VWF: variants seen among roughly 807,000 people sequenced by gnomAD.
The protein encoded by VWF is von Willebrand factor, also known as Factor VIII related antigen.
VWF carries 176 observed loss-of-function variants against 308.6 expected under a neutral mutation model. The ratio of observed to expected loss-of-function variants is 0.57; its 90% CI spans 0.50 to 0.65. The LOEUF (loss-of-function observed/expected upper bound fraction) is 0.65, where lower values mean the gene tolerates loss of function less well. Among genes scored for constraint, VWF ranks in the 30% least tolerant of loss-of-function variants. The probability of loss-of-function intolerance (pLI) is 0.00; values close to 1 mark genes in which losing one functional copy is unlikely to be tolerated. For synonymous variants in VWF, 1,385 were observed against 1,443.4 expected, an observed-to-expected ratio of 0.96 and a Z score of 0.92; for missense variants, 3,146 against 3,648.2, an observed-to-expected ratio of 0.86 and a Z score of 3.55.
chr12:6,007,289 A>T (rs2136399246), intron 34 of VWF, among the ~76,000 whole-genome samples: 1 of 152,316 alleles, frequency 6.6e-6, no homozygotes, highest in South Asian at 2.1e-4. Context: ...CTTCTCAAAC[A>T]CACATAGAAC....
At chr12:6,077,099 C>A in intron 6 of VWF, among the ~76,000 whole-genome samples, 1 of 152,204 alleles carries the variant, frequency 6.6e-6, no homozygotes, top group East Asian at 1.9e-4. Context: ...CACTTGAGAT[C>A]AGGAATTTGA....
At chr12:5,983,292 GA>G (rs1164134176) in intron 40 of VWF, 38 bp from the exon 41 acceptor site, 1 of 1,598,262 alleles carries the variant, frequency 6.3e-7, no homozygotes, top group Non-Finnish European at 8.5e-7. Flanking sequence ...GCAGAGTTCA[GA>G]AAGGTTACTC....
chr12:6,027,526 C>G (rs916899078), intron 22 of VWF, among the ~76,000 whole-genome samples: 5 of 152,098 alleles, frequency 3.3e-5, no homozygotes, highest in African/African-American at 4.8e-5. Flanking sequence ...AGGGTCTGAT[C>G]AGAGGGAGGC....
At position 6,046,142 on chromosome 12, in the gene VWF, T is replaced by C. The variant is rs1051198201; in HGVS notation, c.2281+581A>G. 2.0e-5 allele frequency among the ~76,000 whole-genome samples: 3 copies of C among 152,150 alleles called. No homozygotes were observed. Among genetic ancestry groups the C allele is most frequent in the Non-Finnish European group, 4.4e-5 (3 of 68,038 alleles). ...GGGAGGCTGAGGCACGAGAATTGCT[T>C]GAACCCAGGAGGCAGAGGTTGCAGT... is the stretch of plus-strand genomic sequence containing the variant. On this transcript the variant is annotated intron_variant, in intron 17 of 51. Transcript: ENST00000261405. This position sits in a 1 kb window ranked among gnomAD's most constrained non-coding sequence, Gnocchi z 5.0.
intron 3 of VWF, among the ~76,000 whole-genome samples, chr12:6,111,847 C>T (rs1461004410): frequency 6.6e-6 from 1 of 151,990 alleles, no homozygotes; most frequent in Non-Finnish European, 1.5e-5. Flanking sequence ...GGTCCCAGTT[C>T]TTTGGGAGGC....
At chr12:6,036,063 C>T (rs374583830) in intron 19 of VWF, among the ~76,000 whole-genome samples, 73 of 152,314 alleles carry the variant, frequency 4.8e-4, no homozygotes, top group African/African-American at 1.8e-3. Context: ...AGATTTAGGT[C>T]CCATCCCTAA....
intron 16 of VWF, among the ~76,000 whole-genome samples, chr12:6,050,899 G>A (rs1944501570): frequency 6.6e-6 from 1 of 151,120 alleles, no homozygotes; most frequent in Non-Finnish European, 1.5e-5. Context: ...AGGTTGCAGC[G>A]AGCCGAGATT....
Position 5,983,183 on chromosome 12 carries a change from T to C in VWF, c.7048A>G (p.Asn2350Asp). 6.2e-7 allele frequency: 1 copy of C among 1,614,082 alleles called. No homozygotes were observed. The highest frequency in any genetic ancestry group is 1.1e-5 in the South Asian group (1 of 91,052). ...CERGLQPTLT[N>D]PGECRPNFTC... ...AAGTTGGGTCTGCACTCGCCAGGGT[T>C]GGTCAGTGTGGGCTGGAGGCCACGT... is the stretch of plus-strand genomic sequence containing the variant. Residue 2350 changes from asparagine (N) to aspartate (D), a missense_variant, in exon 41 of 52, where the codon AAC (asparagine) becomes GAC (aspartate). Transcript: ENST00000261405.
In VWF at chr12:5,951,834, A is replaced by G; in HGVS notation, c.8155+10T>C. On this transcript the variant is annotated intron_variant, in intron 50 of 51. Transcript: ENST00000261405. Reference sequence around the variant, plus strand: ...GGTTTCAAGGGACAAGATATTAGTAACGCACTCACATGTGTCACAGCAGGT... The same window carrying G: ...GGTTTCAAGGGACAAGATATTAGTAGCGCACTCACATGTGTCACAGCAGGT... 6.2e-7 allele frequency: 1 copy of G among 1,614,212 alleles called. No homozygotes were observed. Among genetic ancestry groups the G allele is most frequent in the Non-Finnish European group, 8.5e-7 (1 of 1,180,004 alleles).
chr12:6,111,233 C>A (rs1049618920), intron 3 of VWF, among the ~76,000 whole-genome samples: 32 of 152,190 alleles, frequency 2.1e-4, no homozygotes, highest in Admixed American at 2.0e-3. Context: ...AAAGCATGAT[C>A]TTTTGCTTCT....
intron 5 of VWF, among the ~76,000 whole-genome samples, chr12:6,101,600 C>A (rs1184511627): frequency 6.6e-6 from 1 of 151,598 alleles, no homozygotes; most frequent in African/African-American, 2.4e-5. Flanking sequence ...TATGGTGAAA[C>A]CCCGTCTCTA....
chr12:6,121,954 G>GA (rs1945437368), intron 2 of VWF, among the ~76,000 whole-genome samples: 1 of 151,782 alleles, frequency 6.6e-6, no homozygotes, highest in Non-Finnish European at 1.5e-5. Context: ...AAAAGAAAAA[G>GA]AAAAGAAAAG....
intron 3 of VWF, among the ~76,000 whole-genome samples, chr12:6,116,227 A>G (rs1339163076): frequency 6.6e-6 from 1 of 152,214 alleles, no homozygotes; most frequent in Non-Finnish European, 1.5e-5. Context: ...GAGGCAAGAC[A>G]AGCCAGCGAA....
At chr12:6,048,699 G>A (rs1004660051) in intron 16 of VWF, among the ~76,000 whole-genome samples, 4 of 152,096 alleles carry the variant, frequency 2.6e-5, no homozygotes, top group African/African-American at 9.7e-5. Context: ...CTGACCTCAA[G>A]TGATCCGCCC....
At position 6,121,751 on chromosome 12, in the gene VWF, C is replaced by T. The variant is rs187337236; in HGVS notation, c.56-413G>A. On this transcript the variant is annotated intron_variant, in intron 2 of 51. Coordinates refer to ENST00000261405, the MANE Select transcript of VWF (RefSeq NM_000552.5). ...TTCAAGACCAGCCTGCCCAACATGG[C>T]GAAACCCTGTCTCTACTAAAAATAC... Among the ~76,000 whole-genome samples, 25 of 151,956 alleles carry T rather than the reference C, an allele frequency of 1.6e-4. No individual in the cohort carries two copies. The East Asian group carries it at 3.1e-3, about 19-fold the overall frequency.
At chr12:5,968,315 G>T (rs181484792) in intron 45 of VWF, 148 bp from the exon 46 acceptor site, 1 of 902,756 alleles carries the variant, frequency 1.1e-6, no homozygotes, top group Non-Finnish European at 1.7e-6. Context: ...ACAACCCAGC[G>T]CTGGGGGTCC....
intron 6 of VWF, among the ~76,000 whole-genome samples, chr12:6,083,768 T>C (rs1944940368): frequency 6.6e-6 from 1 of 152,154 alleles, no homozygotes; most frequent in East Asian, 1.9e-4. Flanking sequence ...CAGCCTCCCT[T>C]GCAGCTGGGG....
chr12:6,044,450 G>T lies in VWF; in HGVS notation c.2283C>A (p.Ser761Arg). ...AVLSSPLSHR[S>R]KRSLSCRPPM... ...GGGGCCGACAGGATAGGCTCCTTTT[G>T]CCTCGAAGGTAGGAAAAGCAAAGAG... is the stretch of plus-strand genomic sequence containing the variant. The change falls in exon 18 of 52, where the codon AGC becomes AGA. Residue 761 changes from serine to arginine, a missense_variant and splice_region_variant. Physicochemically the swap from Ser to Arg is moderately radical, Grantham distance 110 (BLOSUM62 -1). Coordinates refer to ENST00000261405, the MANE Select transcript of VWF (RefSeq NM_000552.5). The T allele has an allele frequency of 1.2e-6, 2 of 1,614,062 alleles. No homozygotes were observed. The highest frequency in any genetic ancestry group is 2.2e-5 in the South Asian group (2 of 91,068).
At chr12:6,122,591 G>T (rs747426591) in intron 2 of VWF, 3 of 352,140 alleles carry the variant, frequency 8.5e-6, no homozygotes, top group Non-Finnish European at 1.7e-5. Flanking sequence ...TGACCTGAGA[G>T]ATCTAAGTGG....
Sources: allele counts gnomAD v4.1 joint callset (sites outside exome capture counted in the v4.1 genomes callset), GRCh38; gene constraint gnomAD v4.1.1; non-coding constraint Gnocchi (gnomAD v3.1); transcripts MANE v1.5; gene names NCBI Gene and HGNC (gene_info 2026-07-23, HGNC 2026-07-21).